UVRAG: variants seen among roughly 807,000 people sequenced by gnomAD.
UVRAG encodes UV radiation resistance associated, also known as UV radiation resistance-associated gene protein.
In UVRAG, 19 loss-of-function variants were observed where a neutral mutation model predicts 78.0. The observed-to-expected ratio is 0.24, with a 90% CI of 0.17 to 0.36. The LOEUF (loss-of-function observed/expected upper bound fraction) is 0.36, where lower values mean the gene tolerates loss of function less well. Ranked by LOEUF, UVRAG falls within the 10% of genes least tolerant of loss-of-function variation. UVRAG has a pLI of 1.00. For missense variants in UVRAG, 740 were observed against 853.8 expected, an observed-to-expected ratio of 0.87 and a Z score of 1.66; for synonymous variants, 323 against 324.6, an observed-to-expected ratio of 1.00 and a Z score of 0.05.
At chr11:75,986,373 GT>G (rs1166796467) in intron 8 of UVRAG, among the ~76,000 whole-genome samples, 3 of 151,570 alleles carry the variant, frequency 2.0e-5, no homozygotes, top group African/African-American at 4.8e-5. Flanking sequence ...CAATTAATTA[GT>G]TTTTTTTAAG....
chr11:75,818,533 C>T (rs956547461), intron 1 of UVRAG, among the ~76,000 whole-genome samples: 5 of 150,490 alleles, frequency 3.3e-5, no homozygotes, highest in Admixed American at 1.3e-4. Flanking sequence ...GGCTGGAGTG[C>T]AGTGGCGCGA....
At chr11:75,971,556 T>C (rs1380767142) in intron 7 of UVRAG, among the ~76,000 whole-genome samples, 1 of 152,220 alleles carries the variant, frequency 6.6e-6, no homozygotes, top group Non-Finnish European at 1.5e-5. Context: ...TCGTATCACA[T>C]TGTTGTTTTA....
chr11:76,134,260 CTT>C (rs1180218277), intron 14 of UVRAG, among the ~76,000 whole-genome samples: 2,414 of 122,692 alleles, frequency 0.02, 76 homozygotes, highest in African/African-American at 0.068. Context: ...CACACCTGGC[CTT>C]TTTTTTTTTT....
At chr11:75,927,419 G>T (rs1452476652) in intron 6 of UVRAG, among the ~76,000 whole-genome samples, 2 of 152,152 alleles carry the variant, frequency 1.3e-5, no homozygotes, top group African/African-American at 4.8e-5. Flanking sequence ...TTATTCCTGA[G>T]AGTAGAATAT....
intron 5 of UVRAG, among the ~76,000 whole-genome samples, chr11:75,896,080 G>A (rs557145541): frequency 4.5e-4 from 69 of 152,326 alleles, no homozygotes; most frequent in Non-Finnish European, 7.1e-4. Context: ...TTTGCATCTT[G>A]CAGATAATGC....
chr11:76,130,025 C>T (rs900858397), intron 14 of UVRAG, among the ~76,000 whole-genome samples: 1 of 151,984 alleles, frequency 6.6e-6, no homozygotes, highest in Non-Finnish European at 1.5e-5. Flanking sequence ...ACTTTGTTTT[C>T]CTCCTCAGTT....
At chr11:75,943,303 GT>G (rs754035715) in intron 6 of UVRAG, among the ~76,000 whole-genome samples, 3,226 of 126,358 alleles carry the variant, frequency 0.026, 40 homozygotes, top group African/African-American at 0.031. Context: ...CACTTTTCCT[GT>G]TTTTTTTTTT....
intron 2 of UVRAG, among the ~76,000 whole-genome samples, chr11:75,856,715 G>A (rs1946301911): frequency 1.3e-5 from 2 of 152,176 alleles, no homozygotes; most frequent in Non-Finnish European, 2.9e-5. Flanking sequence ...AAAGTGCTGG[G>A]ATTATAGGCA....
At chr11:76,051,503 T>C (rs747886485) in intron 12 of UVRAG, among the ~76,000 whole-genome samples, 6 of 152,190 alleles carry the variant, frequency 3.9e-5, no homozygotes, top group Non-Finnish European at 8.8e-5. Context: ...GGAAGGTTTC[T>C]ATAAGGAAAT....
chr11:76,085,683 G>A (rs1196368190), intron 13 of UVRAG, among the ~76,000 whole-genome samples: 2 of 152,064 alleles, frequency 1.3e-5, no homozygotes, highest in Non-Finnish European at 2.9e-5. Context: ...ACCTTGCAGG[G>A]ACTTTATTAT....
intron 6 of UVRAG, among the ~76,000 whole-genome samples, chr11:75,941,730 A>G (rs373301709): frequency 3.9e-5 from 6 of 152,268 alleles, no homozygotes; most frequent in African/African-American, 1.2e-4. Context: ...AGGAAATGTC[A>G]TGTTTCCACA....
chr11:76,060,511 C>T (rs145364921), intron 12 of UVRAG, among the ~76,000 whole-genome samples: 2,327 of 152,374 alleles, frequency 0.015, 61 homozygotes, highest in African/African-American at 0.053. Context: ...GAGCCCCTTT[C>T]TGGGCTGGCC....
intron 12 of UVRAG, among the ~76,000 whole-genome samples, chr11:76,028,587 TATTGCTG>T (rs1950375317): frequency 6.6e-6 from 1 of 152,070 alleles, no homozygotes; most frequent in Non-Finnish European, 1.5e-5. Context: ...TGAAAAGACT[TATTGCTG>T]ATATGGATAG....
At chr11:75,845,873 A>G (rs1946021096) in intron 1 of UVRAG, among the ~76,000 whole-genome samples, 1 of 152,186 alleles carries the variant, frequency 6.6e-6, no homozygotes, top group African/African-American at 2.4e-5. Flanking sequence ...AAAAAAAAAA[A>G]GTTAGCAGAT....
At chr11:75,984,452 A>T (rs963196763) in intron 8 of UVRAG, among the ~76,000 whole-genome samples, 3 of 152,218 alleles carry the variant, frequency 2.0e-5, no homozygotes, top group Non-Finnish European at 4.4e-5. Context: ...CTAAGGTTTC[A>T]TGATCAGTAG....
chr11:75,909,651 C>T (rs1046379881), intron 5 of UVRAG, among the ~76,000 whole-genome samples: 2 of 152,040 alleles, frequency 1.3e-5, no homozygotes, highest in Non-Finnish European at 2.9e-5. Context: ...AATGGTGTGC[C>T]CATCAAGATA....
At chr11:76,114,180 C>T (rs7931174) in intron 13 of UVRAG, among the ~76,000 whole-genome samples, 30,009 of 151,726 alleles carry the variant, frequency 0.2, 5,354 homozygotes, top group African/African-American at 0.48. Context: ...AATTCAGGAA[C>T]GTCATGTTGG....
intron 2 of UVRAG, among the ~76,000 whole-genome samples, chr11:75,859,826 C>G (rs932013326): frequency 6.6e-6 from 1 of 152,204 alleles, no homozygotes; most frequent in Non-Finnish European, 1.5e-5. Context: ...TCAGCAATTT[C>G]TTTCCAAATT....
intron 12 of UVRAG, among the ~76,000 whole-genome samples, chr11:76,061,287 A>G (rs1951086021): frequency 6.6e-6 from 1 of 152,128 alleles, no homozygotes; most frequent in Non-Finnish European, 1.5e-5. Context: ...CAGGGATTGT[A>G]AACGCGCCAA....
Sources: gnomAD v4.1 joint callset for allele counts (sites outside exome capture counted in the v4.1 genomes callset) on GRCh38, gnomAD v4.1.1 for gene constraint, MANE v1.5 for transcripts, NCBI Gene and HGNC (gene_info 2026-07-23, HGNC 2026-07-21) for gene names.